Variants in RUBCN observed in about 807,000 individuals in gnomAD.
The protein encoded by RUBCN is rubicon autophagy regulator, also known as run domain Beclin-1-interacting and cysteine-rich domain-containing protein.
Under a neutral mutation model 113.2 loss-of-function variants are expected in RUBCN, and 74 were observed. The observed-to-expected ratio is 0.65, with a 90% CI of 0.54 to 0.79. RUBCN has a LOEUF of 0.79. Among genes scored for constraint, RUBCN ranks in the 30% least tolerant of loss-of-function variants. The probability of loss-of-function intolerance (pLI) is 0.00; values close to 1 mark genes in which losing one functional copy is unlikely to be tolerated. For missense variants in RUBCN, 1,109 were observed against 1,251.7 expected, an observed-to-expected ratio of 0.89 and a Z score of 1.72; for synonymous variants, 480 against 490.0, an observed-to-expected ratio of 0.98 and a Z score of 0.27.
intron 1 of RUBCN, among the ~76,000 whole-genome samples, chr3:197,720,741 C>G (rs1726058367): frequency 6.6e-6 from 1 of 152,122 alleles, no homozygotes; most frequent in Non-Finnish European, 1.5e-5. Context: ...CATACCTTGG[C>G]TATCATGAAT....
chr3:197,686,914 C>A (rs998220074), intron 11 of RUBCN, among the ~76,000 whole-genome samples: 2 of 152,058 alleles, frequency 1.3e-5, no homozygotes, highest in Non-Finnish European at 2.9e-5. Flanking sequence ...TTATTACTGA[C>A]TGAAAAAAGT....
chr3:197,694,701 G>T, intron 9 of RUBCN, 116 bp from the exon 10 acceptor site: 1 of 871,148 alleles, frequency 1.1e-6, no homozygotes, highest in Non-Finnish European at 1.9e-6. Context: ...AAAACACCCT[G>T]GAGAAATGGA....
intron 11 of RUBCN, among the ~76,000 whole-genome samples, chr3:197,688,003 G>C (rs1310970424): frequency 6.6e-6 from 1 of 152,072 alleles, no homozygotes; most frequent in Non-Finnish European, 1.5e-5. Flanking sequence ...GATAGTGACT[G>C]CTCCTCTATC....
At chr3:197,710,227 T>C (rs942899996) in intron 2 of RUBCN, among the ~76,000 whole-genome samples, 1 of 151,178 alleles carries the variant, frequency 6.6e-6, no homozygotes, top group Non-Finnish European at 1.5e-5. Flanking sequence ...CACAAAGCCC[T>C]AAGAGAAGTC....
rs1446003418 is a variant in RUBCN, at chr3:197,670,982, G to A, written c.*4036C>T. Reference sequence around the variant, plus strand: ...GGGAGGTAGAGGTGGTCACAATCCCGCCCCTCATGCCACAGTGTGCTGGTG... The same window carrying A: ...GGGAGGTAGAGGTGGTCACAATCCCACCCCTCATGCCACAGTGTGCTGGTG... On this transcript the variant is annotated 3_prime_UTR_variant, in exon 20 of 20. Transcript: ENST00000296343. Among the ~76,000 whole-genome samples the A allele has an allele frequency of 5.3e-5, 8 of 152,068 alleles. No individual in the cohort carries two copies. The East Asian group carries it at 7.7e-4, about 15-fold the overall frequency.
intron 2 of RUBCN, among the ~76,000 whole-genome samples, chr3:197,714,351 G>C (rs2108947656): frequency 6.6e-6 from 1 of 152,042 alleles, no homozygotes; most frequent in South Asian, 2.1e-4. Context: ...TTTTTTTGTT[G>C]AGACAGGGTC....
Position 197,673,292 on chromosome 3 carries a change from C to A in RUBCN, c.*1726G>T, listed in dbSNP as rs9845117. The A allele has an allele frequency of 6.6e-6, 1 of 152,380 alleles. No individual in the cohort carries two copies. Among genetic ancestry groups the A allele is most frequent in the Non-Finnish European group, 1.5e-5 (1 of 68,132 alleles). The allele number at this position is 152,380 out of a possible 1,614,324, so 9.4% of individuals were successfully genotyped here. On this transcript the variant is annotated 3_prime_UTR_variant, in exon 20 of 20. Coordinates refer to ENST00000296343, the MANE Select transcript of RUBCN (RefSeq NM_014687.4). The stretch of plus-strand genomic sequence containing the variant: ...GCCAGTTCCCACATGTTCCCTCTCA[C>A]GCTGGTGGAGCCTCAGCCCTGGCCA...
intron 11 of RUBCN, among the ~76,000 whole-genome samples, chr3:197,687,748 C>T (rs1722008615): frequency 6.6e-6 from 1 of 152,190 alleles, no homozygotes; most frequent in African/African-American, 2.4e-5. Flanking sequence ...TCACCAGTAC[C>T]CTTGGGTTCT....
rs909774322 is a variant in RUBCN, at chr3:197,674,844, C to T, written c.*174G>A. On this transcript the variant is annotated 3_prime_UTR_variant, in exon 20 of 20. Transcript: ENST00000296343. ...ACAGACTCTGGACCCATCAACCTGC[C>T]GACGGCTGACTGCACACAGACGTCA... The T allele has an allele frequency of 3.1e-5, 18 of 585,718 alleles. No individual in the cohort carries two copies. Among genetic ancestry groups the T allele is most frequent in the African/African-American group, 9.8e-5 (5 of 51,168 alleles). The allele number at this position is 585,718 out of a possible 1,614,324, so 36.3% of individuals were successfully genotyped here. A position where few individuals can be genotyped will look rare whatever the true frequency, so the allele number is the denominator to read the frequency against.
chr3:197,730,331 C>T (rs1486950513), intron 1 of RUBCN, among the ~76,000 whole-genome samples: 1 of 152,140 alleles, frequency 6.6e-6, no homozygotes, highest in African/African-American at 2.4e-5. Flanking sequence ...AGAACAGAAA[C>T]ATAACTCAAG....
chr3:197,730,721 CAG>C (rs1727326482), intron 1 of RUBCN, among the ~76,000 whole-genome samples: 1 of 151,630 alleles, frequency 6.6e-6, no homozygotes, highest in Non-Finnish European at 1.5e-5. Flanking sequence ...TGAAAGGAAA[CAG>C]TGTATCAAGT....
chr3:197,675,216 G>A lies in RUBCN; in HGVS notation c.2741-20C>T, dbSNP rs761100969. 2.7e-5 allele frequency: 43 copies of A among 1,613,590 alleles called. No homozygotes were observed. The highest frequency in any genetic ancestry group is 3.4e-5 in the Non-Finnish European group (40 of 1,179,730). Reference sequence around the variant, plus strand: ...TACACTCTACTCAGGTTGGGAAGGTGGGGGAGAGAAGAAAACAATTTGTAT... The same window carrying A: ...TACACTCTACTCAGGTTGGGAAGGTAGGGGAGAGAAGAAAACAATTTGTAT... On this transcript the variant is annotated intron_variant, in intron 19 of 19. Coordinates refer to ENST00000296343, the MANE Select transcript of RUBCN (RefSeq NM_014687.4). This position sits in a 1 kb window ranked among gnomAD's most constrained non-coding sequence, Gnocchi z 4.4.
At chr3:197,710,154 A>G (rs1724795661) in intron 2 of RUBCN, among the ~76,000 whole-genome samples, 1 of 147,586 alleles carries the variant, frequency 6.8e-6, no homozygotes, top group Non-Finnish European at 1.5e-5. Flanking sequence ...TGGGCAACAG[A>G]GTGAGACTCT....
At chr3:197,730,152 G>C (rs1727249658) in intron 1 of RUBCN, among the ~76,000 whole-genome samples, 1 of 152,160 alleles carries the variant, frequency 6.6e-6, no homozygotes, top group South Asian at 2.1e-4. Context: ...TATCTGCCCA[G>C]AATTTGTCCC....
rs747456968 is a variant in RUBCN at position 197,700,684 on chromosome 3, A to G, written c.1190T>C (p.Val397Ala). The G allele has an allele frequency of 6.2e-7, 1 of 1,614,142 alleles. No homozygotes were observed. The highest frequency in any genetic ancestry group is 1.1e-5 in the South Asian group (1 of 91,086). ...GTGGCTTTTCTTTGCCCCACTGGTG[A>G]CAGTGAGTGTCTGCCCCTCTGAGAA... Reference protein sequence around the residue: ...SSFSEGQTLTVTSGAKKSHIR... With the variant: ...SSFSEGQTLTATSGAKKSHIR... The change falls in exon 7 of 20, where the codon GTC (valine) becomes GCC (alanine). Residue 397 changes from valine (V) to alanine (A), a missense_variant. By Grantham distance (64) the Val-to-Ala change is moderately conservative (BLOSUM62 0). Coordinates refer to ENST00000296343, the MANE Select transcript of RUBCN (RefSeq NM_014687.4).
intron 11 of RUBCN, among the ~76,000 whole-genome samples, chr3:197,684,681 T>C (rs1402280341): frequency 2.0e-5 from 3 of 151,400 alleles, no homozygotes; most frequent in African/African-American, 4.9e-5. Flanking sequence ...CACACACACA[T>C]ATATACACAT....
chr3:197,700,992 C>A lies in RUBCN; in HGVS notation c.882G>T (p.Met294Ile), dbSNP rs1214953284. 1 of 1,614,156 alleles carries A rather than the reference C, an allele frequency of 6.2e-7. No homozygotes were observed. Among genetic ancestry groups the A allele is most frequent in the Admixed American group, 1.7e-5 (1 of 60,030 alleles). The part of the protein sequence containing the change: ...ARDSPLTPNE[M>I]SSSTLTSPIE... ...TGGGGCTGGTCAGAGTACTGGAGCT[C>A]ATTTCATTTGGGGTCAAAGGGGAAT... The change falls in exon 7 of 20, where the codon ATG becomes ATT. Residue 294 changes from methionine (M) to isoleucine (I), a missense_variant. Met to Ile is a conservative substitution (Grantham distance 10). Around this residue, in one of 3 missense-constraint regions of RUBCN, gnomAD observed 736 missense variants for 779.6 expected, o/e 0.94. Coordinates refer to ENST00000296343, the MANE Select transcript of RUBCN (RefSeq NM_014687.4).
chr3:197,692,104 A>G (rs1580212916), intron 11 of RUBCN, among the ~76,000 whole-genome samples: 1 of 151,714 alleles, frequency 6.6e-6, no homozygotes, highest in African/African-American at 2.4e-5. Flanking sequence ...TAGAGCTTTT[A>G]CTCCCCCATC....
At chr3:197,705,032 A>G (rs949616640) in intron 3 of RUBCN, 60 bp downstream of exon 3, 7 of 1,299,080 alleles carry the variant, frequency 5.4e-6, no homozygotes, top group Non-Finnish European at 7.8e-6. Flanking sequence ...CTTCTGACAG[A>G]GCCTCAAACA....
Sources: allele counts gnomAD v4.1 joint callset (sites outside exome capture counted in the v4.1 genomes callset), GRCh38; gene constraint gnomAD v4.1.1; regional missense constraint gnomAD v4.1.1; non-coding constraint Gnocchi (gnomAD v3.1); transcripts MANE v1.5; gene names NCBI Gene and HGNC (gene_info 2026-07-23, HGNC 2026-07-21).